The following MBNL1 variants were observed in gnomAD, a reference collection of about 807,000 sequenced individuals.
MBNL1 encodes muscleblind like splicing regulator 1.
A neutral mutation model predicts 42.2 loss-of-function variants in MBNL1; 8 were observed. The observed-to-expected ratio is 0.19, with a 90% CI of 0.11 to 0.34. The LOEUF (loss-of-function observed/expected upper bound fraction) is 0.34, where lower values mean the gene tolerates loss of function less well. MBNL1 is among the 10% of genes least tolerant of loss of function. MBNL1 has a pLI of 1.00. For missense variants in MBNL1, 309 were observed against 495.3 expected (o/e 0.62, Z 3.57); for synonymous variants, 169 against 173.9 (o/e 0.97, Z 0.22).
chr3:152,444,853 G>T (rs2099199629), intron 4 of MBNL1, among the ~76,000 whole-genome samples: 1 of 152,070 alleles, frequency 6.6e-6, no homozygotes, highest in Non-Finnish European at 1.5e-5. Context: ...AATTCAGGCA[G>T]TACTACCTCT....
At chr3:152,436,285 G>A (rs974046899) in intron 4 of MBNL1, among the ~76,000 whole-genome samples, 3 of 152,176 alleles carry the variant, frequency 2.0e-5, no homozygotes, top group African/African-American at 7.2e-5. Flanking sequence ...AATCTTATGA[G>A]GAAGATACTA....
At chr3:152,456,542 T>C (rs1734125549) in intron 8 of MBNL1, among the ~76,000 whole-genome samples, 181 bp downstream of exon 8, 1 of 152,182 alleles carries the variant, frequency 6.6e-6, no homozygotes, top group South Asian at 2.1e-4. Flanking sequence ...ACACATTCTC[T>C]CTATGATGAG....
At chr3:152,344,628 G>A (rs1312370183) in intron 2 of MBNL1, among the ~76,000 whole-genome samples, 1 of 152,104 alleles carries the variant, frequency 6.6e-6, no homozygotes, top group Non-Finnish European at 1.5e-5. Context: ...GAACTTTCTG[G>A]TTTCTCAAGA....
intron 2 of MBNL1, among the ~76,000 whole-genome samples, chr3:152,413,677 A>G (rs892800874): frequency 7.9e-5 from 12 of 152,226 alleles, no homozygotes; most frequent in Admixed American, 7.9e-4. Flanking sequence ...ATAAAGTTCA[A>G]TTATACTAAA....
chr3:152,353,712 T>C (rs1357618342), intron 2 of MBNL1, among the ~76,000 whole-genome samples: 1 of 116,880 alleles, frequency 8.6e-6, no homozygotes, highest in Admixed American at 1.1e-4. Context: ...ATTTTGAAAA[T>C]GTGGTAGACA....
intron 2 of MBNL1, among the ~76,000 whole-genome samples, chr3:152,324,738 A>G (rs1217712196): frequency 6.6e-6 from 1 of 152,116 alleles, no homozygotes; most frequent in Admixed American, 6.6e-5. Flanking sequence ...CCAATTGCCA[A>G]CTGAGTAACT....
chr3:152,373,210 G>A (rs1002228385), intron 2 of MBNL1, among the ~76,000 whole-genome samples: 1 of 152,172 alleles, frequency 6.6e-6, no homozygotes, highest in Non-Finnish European at 1.5e-5. Flanking sequence ...AGAATTTCAA[G>A]CCAGTGGATT....
chr3:152,357,250 A>T (rs2153073428), intron 2 of MBNL1, among the ~76,000 whole-genome samples: 1 of 152,250 alleles, frequency 6.6e-6, no homozygotes, highest in Admixed American at 6.5e-5. Flanking sequence ...CGGAGGCAGG[A>T]TTCAGTTTTC....
intron 2 of MBNL1, among the ~76,000 whole-genome samples, chr3:152,329,681 A>G (rs1233394572): frequency 2.1e-5 from 3 of 145,118 alleles, no homozygotes; most frequent in Non-Finnish European, 4.5e-5. Flanking sequence ...TCTTATATAT[A>G]TATATCTTAT....
At position 152,370,549 on chromosome 3, in the gene MBNL1, T is replaced by G. The variant is rs988958701; in HGVS notation, c.175-44392T>G. On this transcript the variant is annotated intron_variant, in intron 2 of 9. Coordinates refer to ENST00000324210, the MANE Select transcript of MBNL1 (RefSeq NM_021038.5). ...CAGAGCTGAGTTCAAGTCCTGAATA[T>G]CCTTGTTAATTTTCTGTCTCGTTGA... Among the ~76,000 whole-genome samples, 38 of 152,330 alleles carry G rather than the reference T, an allele frequency of 2.5e-4. 1 individual carries two copies. The Middle Eastern group carries it at 0.024, about 95-fold the overall frequency.
At chr3:152,269,399 G>A (rs1444319106) in intron 1 of MBNL1, 1 of 374,178 alleles carries the variant, frequency 2.7e-6, no homozygotes, top group Non-Finnish European at 5.4e-6. Flanking sequence ...GGGGCGAGAA[G>A]AGAAACAGGT....
chr3:152,309,536 GT>G (rs2065180651), intron 2 of MBNL1, among the ~76,000 whole-genome samples: 1 of 152,140 alleles, frequency 6.6e-6, no homozygotes, highest in South Asian at 2.1e-4. Flanking sequence ...AGTCCAGGCT[GT>G]TCTCAAATAA....
intron 8 of MBNL1, chr3:152,458,182 G>A (rs779491077): frequency 6.2e-7 from 1 of 1,613,814 alleles, no homozygotes; most frequent in Non-Finnish European, 8.5e-7. Context: ...TCCTGCAGCA[G>A]CAGGAAAAAT....
At chr3:152,275,862 A>G (rs2044801574) in intron 1 of MBNL1, among the ~76,000 whole-genome samples, 1 of 151,946 alleles carries the variant, frequency 6.6e-6, no homozygotes, top group Admixed American at 6.6e-5. Context: ...ATTTTAATAT[A>G]CTTATTTTGA....
intron 3 of MBNL1, among the ~76,000 whole-genome samples, chr3:152,421,448 G>A (rs1026114115): frequency 6.6e-6 from 1 of 152,182 alleles, no homozygotes. Context: ...GCAGTCTGAA[G>A]TCAACCCGGG....
intron 2 of MBNL1, among the ~76,000 whole-genome samples, chr3:152,257,114 A>G (rs1032768168): frequency 1.3e-5 from 2 of 152,126 alleles, no homozygotes; most frequent in Non-Finnish European, 2.9e-5. Flanking sequence ...ATACTATCGG[A>G]TTATTGCAGA....
chr3:152,412,466 T>C (rs1263525396), intron 2 of MBNL1, among the ~76,000 whole-genome samples: 2 of 152,282 alleles, frequency 1.3e-5, no homozygotes, highest in East Asian at 1.9e-4. Flanking sequence ...TATCAGTTGA[T>C]TCTTAGGAAC....
At chr3:152,282,710 T>C (rs745716201) in intron 1 of MBNL1, among the ~76,000 whole-genome samples, 3 of 152,164 alleles carry the variant, frequency 2.0e-5, no homozygotes, top group Non-Finnish European at 1.5e-5. Context: ...TTTTACAGCA[T>C]CTAGATGCCA....
intron 2 of MBNL1, among the ~76,000 whole-genome samples, chr3:152,404,839 T>C (rs920296534): frequency 2.0e-5 from 3 of 151,364 alleles, no homozygotes; most frequent in African/African-American, 7.3e-5. Context: ...TGAAGAGGCA[T>C]GTCAGTGAAA....
Sources: gnomAD v4.1 joint callset for allele counts (sites outside exome capture counted in the v4.1 genomes callset) on GRCh38, gnomAD v4.1.1 for gene constraint, MANE v1.5 for transcripts, NCBI Gene and HGNC (gene_info 2026-07-23, HGNC 2026-07-21) for gene names.